Variants in NME7 observed in about 807,000 individuals in gnomAD.
The protein encoded by NME7 is NME/NM23 family member 7.
Under a neutral mutation model 49.1 loss-of-function variants are expected in NME7, and 41 were observed. That is an observed-to-expected ratio of 0.83 (90% CI 0.65 to 1.08). The LOEUF (loss-of-function observed/expected upper bound fraction) is 1.08, where lower values mean the gene tolerates loss of function less well. NME7 is among the 50% of genes least tolerant of loss of function. The pLI, the probability that NME7 is intolerant of heterozygous loss-of-function variation, is 0.00. For synonymous variants in NME7, 139 were observed against 150.6 expected, an observed-to-expected ratio of 0.92 and a Z score of 0.56; for missense variants, 423 against 463.4, an observed-to-expected ratio of 0.91 and a Z score of 0.80.
At chr1:169,169,586 G>A (rs369904141) in intron 10 of NME7, 32 bp from the exon 11 acceptor site, 13 of 1,566,048 alleles carry the variant, frequency 8.3e-6, no homozygotes, top group Middle Eastern at 1.7e-4. Flanking sequence ...ATAGATTAAT[G>A]TTAGTCATAT....
intron 11 of NME7, among the ~76,000 whole-genome samples, chr1:169,168,222 A>C (rs1659469684): frequency 6.6e-6 from 1 of 152,158 alleles, no homozygotes; most frequent in South Asian, 2.1e-4. Context: ...GCCCTCTTCC[A>C]AGTGTACTTT....
At chr1:169,247,421 TAGG>T (rs1378009290) in intron 7 of NME7, among the ~76,000 whole-genome samples, 1 of 152,230 alleles carries the variant, frequency 6.6e-6, no homozygotes. Flanking sequence ...TCCATGTTTC[TAGG>T]AGATTTTCAT....
intron 2 of NME7, 98 bp downstream of exon 2, chr1:169,324,293 CAT>C (rs1651967683): frequency 3.0e-6 from 2 of 667,520 alleles, no homozygotes; most frequent in African/African-American, 1.8e-5. Flanking sequence ...TACACACACA[CAT>C]ACATATAAAT....
rs375605707 is a variant in NME7 at position 169,132,784 on chromosome 1, A to G, written c.*1T>C. 1.6e-5 allele frequency: 26 copies of G among 1,612,920 alleles called. No individual in the cohort carries two copies. Among genetic ancestry groups the G allele is most frequent in the African/African-American group, 1.2e-4 (9 of 74,830 alleles). ...CTGTGACTTCTTTACTTTCCACACCACTAATTATCCAAGATCTTGAAGAAG... is the reference window on the plus strand; with the variant it reads ...CTGTGACTTCTTTACTTTCCACACCGCTAATTATCCAAGATCTTGAAGAAG... On this transcript the variant is annotated 3_prime_UTR_variant, in exon 12 of 12. Transcript: ENST00000367811.
intron 1 of NME7, among the ~76,000 whole-genome samples, chr1:169,338,948 G>T (rs977846515): frequency 3.3e-5 from 5 of 152,042 alleles, no homozygotes; most frequent in Admixed American, 6.6e-5. Context: ...GTCTAATTTT[G>T]TATTATACAA....
chr1:169,254,519 T>C (rs1162787056), intron 7 of NME7, among the ~76,000 whole-genome samples: 3 of 150,090 alleles, frequency 2.0e-5, no homozygotes, highest in East Asian at 2.1e-4. Context: ...AACCAGCTCC[T>C]GGATTCATTA....
At chr1:169,195,041 T>A (rs1660336574) in intron 10 of NME7, among the ~76,000 whole-genome samples, 2 of 149,404 alleles carry the variant, frequency 1.3e-5, no homozygotes, top group African/African-American at 4.9e-5. Context: ...AGAATTATAT[T>A]CTTAAATGCT....
chr1:169,161,962 GTT>G (rs149367136), intron 11 of NME7, among the ~76,000 whole-genome samples: 56,017 of 151,648 alleles, frequency 0.37, 10,897 homozygotes, highest in East Asian at 0.73. Context: ...CTTTTGAGAT[GTT>G]TTTTTTAGAT....
intron 7 of NME7, among the ~76,000 whole-genome samples, chr1:169,239,263 AT>A (rs1333229126): frequency 6.6e-6 from 1 of 151,976 alleles, no homozygotes; most frequent in Non-Finnish European, 1.5e-5. Context: ...AGGCCATGAT[AT>A]ATTTAAATAT....
chr1:169,235,111 A>G lies in NME7; in HGVS notation c.888+20T>C, dbSNP rs1647804653. On this transcript the variant is annotated intron_variant, in intron 9 of 11. Transcript: ENST00000367811. ...TTTCACTTAACAGTACAAATGTTTT[A>G]CATTTACTTTTATACTTACATGATA... The G allele has an allele frequency of 7.3e-7, 1 of 1,376,886 alleles. No homozygotes were observed. The highest frequency in any genetic ancestry group is 1.4e-5 in the African/African-American group (1 of 69,056). The allele number at this position is 1,376,886 out of a possible 1,614,324, so 85.3% of individuals were successfully genotyped here.
chr1:169,285,533 A>C (rs1273461059), intron 7 of NME7: 3 of 151,464 alleles, frequency 2.0e-5, no homozygotes, highest in African/African-American at 4.9e-5. Context: ...TAGAGTATAG[A>C]GGGAACAGAA....
chr1:169,296,206 T>C (rs1346980005), intron 6 of NME7, among the ~76,000 whole-genome samples: 1 of 152,164 alleles, frequency 6.6e-6, no homozygotes, highest in African/African-American at 2.4e-5. Flanking sequence ...TCCCACAATT[T>C]TCTTTTAAGT....
At chr1:169,343,223 C>T (rs927361676) in intron 1 of NME7, among the ~76,000 whole-genome samples, 1 of 151,638 alleles carries the variant, frequency 6.6e-6, no homozygotes, top group East Asian at 1.9e-4. Flanking sequence ...ATAGTTTCTT[C>T]TCAGAGCTTT....
chr1:169,299,168 A>C (rs1266004499), intron 5 of NME7, among the ~76,000 whole-genome samples: 1 of 152,182 alleles, frequency 6.6e-6, no homozygotes, highest in African/African-American at 2.4e-5. Flanking sequence ...ATGCCTTGTA[A>C]CATATTTTTA....
intron 11 of NME7, among the ~76,000 whole-genome samples, chr1:169,133,955 T>C (rs1176125468): frequency 6.6e-6 from 1 of 152,244 alleles, no homozygotes; most frequent in Admixed American, 6.5e-5. Flanking sequence ...TTGGTGAGAC[T>C]TAACCTGTTT....
chr1:169,309,341 T>A (rs1651296170), intron 4 of NME7, among the ~76,000 whole-genome samples: 1 of 152,144 alleles, frequency 6.6e-6, no homozygotes, highest in Non-Finnish European at 1.5e-5. Context: ...ACCAGACCAG[T>A]TAAGACTGGT....
chr1:169,323,979 G>A (rs111673464), intron 2 of NME7, among the ~76,000 whole-genome samples: 36,596 of 150,916 alleles, frequency 0.24, 5,460 homozygotes, highest in Non-Finnish European at 0.34. Context: ...TCAGCCTCCC[G>A]AGTAGCTGGG....
At chr1:169,315,967 TAACCATCAACTTAGAATTGTGTGTCTAGC>T in intron 3 of NME7, among the ~76,000 whole-genome samples, 1 of 152,082 alleles carries the variant, frequency 6.6e-6, no homozygotes, top group Middle Eastern at 3.4e-3. Flanking sequence ...AATTGGTCAA[TAACCATCAACTTAGAATTGTGTGTCTAGC>T]AATAGTATCA....
intron 4 of NME7, among the ~76,000 whole-genome samples, chr1:169,306,563 T>C (rs990586085): frequency 1.3e-5 from 2 of 152,086 alleles, no homozygotes; most frequent in African/African-American, 4.8e-5. Flanking sequence ...CAGGTAGGTA[T>C]GAGGAATGGG....
Sources: gnomAD v4.1 joint callset for allele counts (sites outside exome capture counted in the v4.1 genomes callset) on GRCh38, gnomAD v4.1.1 for gene constraint, MANE v1.5 for transcripts, NCBI Gene and HGNC (gene_info 2026-07-23, HGNC 2026-07-21) for gene names.